The following HS6ST3 variants were observed in gnomAD, a reference collection of about 807,000 sequenced individuals.
HS6ST3 encodes heparan sulfate 6-O-sulfotransferase 3.
In HS6ST3, 12 loss-of-function variants were observed where a neutral mutation model predicts 36.7. The ratio of observed to expected loss-of-function variants is 0.33; its 90% CI spans 0.21 to 0.53. HS6ST3 has a LOEUF of 0.53. Among genes scored for constraint, HS6ST3 ranks in the 20% least tolerant of loss-of-function variants. The probability of loss-of-function intolerance (pLI) is 0.95; values close to 1 mark genes in which losing one functional copy is unlikely to be tolerated. For missense variants in HS6ST3, 584 were observed against 640.9 expected, an observed-to-expected ratio of 0.91 and a Z score of 0.96; for synonymous variants, 240 against 257.5, an observed-to-expected ratio of 0.93 and a Z score of 0.65.
At chr13:96,280,689 C>T (rs2054771377) in intron 1 of HS6ST3, among the ~76,000 whole-genome samples, 2 of 152,102 alleles carry the variant, frequency 1.3e-5, no homozygotes, top group Non-Finnish European at 2.9e-5. Context: ...GCAGAGAAAT[C>T]TAGAAGATAG....
chr13:96,333,888 G>C (rs1329323478), intron 1 of HS6ST3, among the ~76,000 whole-genome samples: 1 of 152,100 alleles, frequency 6.6e-6, no homozygotes, highest in Non-Finnish European at 1.5e-5. Flanking sequence ...TGGAGCTCCA[G>C]GGGGAAGCTT....
intron 1 of HS6ST3, among the ~76,000 whole-genome samples, chr13:96,431,949 A>C (rs1319192014): frequency 2.0e-5 from 3 of 152,176 alleles, no homozygotes; most frequent in Admixed American, 6.5e-5. Context: ...CTAAAGGTAC[A>C]TTCTGCTTAC....
At chr13:96,249,098 C>A (rs1182945602) in intron 1 of HS6ST3, among the ~76,000 whole-genome samples, 2 of 152,158 alleles carry the variant, frequency 1.3e-5, no homozygotes, top group Non-Finnish European at 2.9e-5. Context: ...TATTCTCATT[C>A]ATCTAATACC....
intron 1 of HS6ST3, among the ~76,000 whole-genome samples, chr13:96,327,976 C>G (rs2055042334): frequency 7.1e-6 from 1 of 140,564 alleles, no homozygotes; most frequent in East Asian, 2.1e-4. Context: ...ATTTGGCTCT[C>G]TGTTTGTCTG....
chr13:96,798,165 G>T (rs1037778766), intron 1 of HS6ST3, among the ~76,000 whole-genome samples: 1 of 152,132 alleles, frequency 6.6e-6, no homozygotes, highest in South Asian at 2.1e-4. Flanking sequence ...GAGATGCAAG[G>T]CATATGGGAA....
chr13:96,402,023 GT>G (rs991670546), intron 1 of HS6ST3, among the ~76,000 whole-genome samples: 6 of 152,116 alleles, frequency 3.9e-5, no homozygotes, highest in Non-Finnish European at 8.8e-5. Context: ...GCCCAGGATG[GT>G]TTTGAACTCC....
chr13:96,337,277 A>G (rs927452442), intron 1 of HS6ST3, among the ~76,000 whole-genome samples: 1 of 152,094 alleles, frequency 6.6e-6, no homozygotes, highest in Non-Finnish European at 1.5e-5. Flanking sequence ...TGGTTTCACC[A>G]TGTTAGCCAG....
chr13:96,466,540 T>C (rs1293977773), intron 1 of HS6ST3, among the ~76,000 whole-genome samples: 2 of 152,216 alleles, frequency 1.3e-5, no homozygotes, highest in Non-Finnish European at 2.9e-5. Context: ...TGTCTTTCTA[T>C]GTCTGGCCTG....
At chr13:96,395,688 G>A (rs907858778) in intron 1 of HS6ST3, among the ~76,000 whole-genome samples, 21 of 152,098 alleles carry the variant, frequency 1.4e-4, no homozygotes, top group African/African-American at 3.9e-4. Flanking sequence ...ACCCCTCTCC[G>A]CTCCCAGTTT....
intron 1 of HS6ST3, among the ~76,000 whole-genome samples, chr13:96,285,873 C>G (rs1229124070): frequency 1.3e-5 from 2 of 151,762 alleles, no homozygotes; most frequent in African/African-American, 4.8e-5. Context: ...CCCTTCCTCT[C>G]TCTTTTCCTC....
At chr13:96,394,985 A>C (rs1281323514) in intron 1 of HS6ST3, among the ~76,000 whole-genome samples, 1 of 152,150 alleles carries the variant, frequency 6.6e-6, no homozygotes. Flanking sequence ...ATGTTGAAAT[A>C]ATTGCCACCT....
rs560443793 is a variant in HS6ST3, at chr13:96,548,883, C to T, written c.708-283607C>T. Among the ~76,000 whole-genome samples the T allele has an allele frequency of 3.3e-5, 5 of 152,298 alleles. No homozygotes were observed. The East Asian group carries it at 5.8e-4, about 18-fold the overall frequency. On this transcript the variant is annotated intron_variant, in intron 1 of 1. Transcript: ENST00000376705. ...TCGGTCTATGGATTTAAACACTAAT[C>T]TCATTCAAAAACACTCTTGTGGAAG...
At chr13:96,640,072 G>A (rs1182616169) in intron 1 of HS6ST3, among the ~76,000 whole-genome samples, 4 of 151,436 alleles carry the variant, frequency 2.6e-5, no homozygotes, top group African/African-American at 7.3e-5. Flanking sequence ...GGTGGGTGGG[G>A]GGGTATATAC....
At chr13:96,421,552 G>A (rs1459990420) in intron 1 of HS6ST3, among the ~76,000 whole-genome samples, 1 of 152,166 alleles carries the variant, frequency 6.6e-6, no homozygotes, top group Non-Finnish European at 1.5e-5. Context: ...CAAATGACAT[G>A]TAGTCACCTG....
chr13:96,776,453 C>G (rs1566450974), intron 1 of HS6ST3, among the ~76,000 whole-genome samples: 1 of 150,756 alleles, frequency 6.6e-6, no homozygotes, highest in Non-Finnish European at 1.5e-5. Flanking sequence ...GCCAGGCTAA[C>G]AAAAAAAGGA....
chr13:96,198,301 A>G (rs1223576532), intron 1 of HS6ST3, among the ~76,000 whole-genome samples: 2 of 152,140 alleles, frequency 1.3e-5, no homozygotes, highest in East Asian at 3.9e-4. Context: ...AGGGGCTGCC[A>G]TGAAGGTCTC....
At chr13:96,445,685 G>A (rs2055694542) in intron 1 of HS6ST3, among the ~76,000 whole-genome samples, 1 of 151,416 alleles carries the variant, frequency 6.6e-6, no homozygotes, top group Non-Finnish European at 1.5e-5. Flanking sequence ...TAGCCAACAC[G>A]GTGAAATCCC....
At chr13:96,720,963 A>G (rs183305244) in intron 1 of HS6ST3, among the ~76,000 whole-genome samples, 6 of 152,336 alleles carry the variant, frequency 3.9e-5, no homozygotes, top group Admixed American at 2.0e-4. Flanking sequence ...ATGAAATACT[A>G]TATAATGATA....
At chr13:96,575,576 G>A (rs2056317523) in intron 1 of HS6ST3, among the ~76,000 whole-genome samples, 2 of 152,168 alleles carry the variant, frequency 1.3e-5, no homozygotes, top group Admixed American at 1.3e-4. Context: ...AGTCCTTTCA[G>A]GACTTTACAA....
Sources: gnomAD v4.1 joint callset for allele counts (sites outside exome capture counted in the v4.1 genomes callset) on GRCh38, gnomAD v4.1.1 for gene constraint, MANE v1.5 for transcripts, NCBI Gene and HGNC (gene_info 2026-07-23, HGNC 2026-07-21) for gene names.